The following CLK4 variants were observed in gnomAD, a reference collection of about 807,000 sequenced individuals.
CLK4 encodes the protein dual specificity protein kinase CLK4.
In CLK4, 37 loss-of-function variants were observed where a neutral mutation model predicts 64.4. The observed-to-expected ratio is 0.57, with a 90% CI of 0.44 to 0.76. CLK4 has a LOEUF of 0.76. Among genes scored for constraint, CLK4 ranks in the 30% least tolerant of loss-of-function variants. The pLI is 0.00. For missense variants in CLK4, 457 were observed against 605.1 expected, an observed-to-expected ratio of 0.76 and a Z score of 2.57; for synonymous variants, 175 against 191.6, an observed-to-expected ratio of 0.91 and a Z score of 0.72.
chr5:178,611,235 A>G (rs576982410), intron 9 of CLK4, among the ~76,000 whole-genome samples: 1 of 152,260 alleles, frequency 6.6e-6, no homozygotes, highest in East Asian at 1.9e-4. Context: ...TTGCCTTCTA[A>G]TCTCTGAAAA....
chr5:178,608,031 C>T (rs879590999), intron 10 of CLK4, among the ~76,000 whole-genome samples: 2 of 152,124 alleles, frequency 1.3e-5, no homozygotes, highest in Non-Finnish European at 2.9e-5. Flanking sequence ...ATAAGTGACT[C>T]GTTCATGGCC....
intron 2 of CLK4, 93 bp downstream of exon 2, chr5:178,623,163 A>G: frequency 8.2e-7 from 1 of 1,223,254 alleles, no homozygotes; most frequent in Non-Finnish European, 1.2e-6. Context: ...ACTGAATTAT[A>G]AAACAATTTG....
intron 9 of CLK4, 73 bp downstream of exon 9, chr5:178,612,343 C>T: frequency 7.4e-7 from 1 of 1,348,072 alleles, no homozygotes; most frequent in Non-Finnish European, 1.0e-6. Context: ...ACTTCCCCAC[C>T]CCACCAGTAA....
Position 178,612,783 on chromosome 5 carries a change from G to A in CLK4, c.921+13C>T, listed in dbSNP as rs747606535. On this transcript the variant is annotated intron_variant, in intron 8 of 12. Transcript: ENST00000316308. ...AAGACAACCACCCAAATTAAAACAA[G>A]TCTTTAACTTACCATTTTAGAATTA... The A allele has an allele frequency of 5.7e-6, 8 of 1,393,816 alleles. No individual in the cohort carries two copies. In the South Asian group the frequency reaches 9.8e-5, roughly 17 times the overall value. The allele number at this position is 1,393,816 out of a possible 1,614,324, so 86.3% of individuals were successfully genotyped here.
intron 9 of CLK4, 30 bp from the exon 10 acceptor site, chr5:178,608,488 T>G: frequency 6.4e-7 from 1 of 1,555,038 alleles, no homozygotes; most frequent in South Asian, 1.2e-5. Flanking sequence ...AACATTTTAC[T>G]ATGCAAAAAC....
intron 2 of CLK4, chr5:178,620,537 ACAGGGTAG>A: frequency 3.3e-5 from 6 of 180,076 alleles, no homozygotes; most frequent in Non-Finnish European, 7.5e-5. Context: ...CAGGCTATGG[ACAGGGTAG>A]ACAGGATGAA....
intron 1 of CLK4, among the ~76,000 whole-genome samples, chr5:178,626,488 A>C (rs1248777985): frequency 6.6e-6 from 1 of 152,168 alleles, no homozygotes; most frequent in South Asian, 2.1e-4. Flanking sequence ...CCTTTGGCGC[A>C]CTCAAGACAG....
intron 2 of CLK4, chr5:178,620,680 G>A: frequency 2.5e-6 from 1 of 397,912 alleles, no homozygotes; most frequent in South Asian, 1.8e-5. Flanking sequence ...GGTCCTGTGG[G>A]AGATAAAAAA....
At chr5:178,624,624 T>C (rs547063120) in intron 1 of CLK4, among the ~76,000 whole-genome samples, 1 of 152,308 alleles carries the variant, frequency 6.6e-6, no homozygotes, top group South Asian at 2.1e-4. Context: ...CAGTTAAGTT[T>C]TAACAGTCAG....
intron 1 of CLK4, 107 bp from the exon 2 acceptor site, chr5:178,623,523 T>TA: frequency 1.0e-6 from 1 of 953,700 alleles, no homozygotes; most frequent in Non-Finnish European, 1.4e-6. Context: ...CACAGGGTCT[T>TA]ACAGGCTCCA....
rs560543060 is a variant in CLK4, at chr5:178,623,358, T to C, written c.59A>G (p.His20Arg). 4 of 1,614,140 alleles carry C rather than the reference T, an allele frequency of 2.5e-6. No homozygotes were observed. The highest frequency in any genetic ancestry group is 1.3e-5 in the African/African-American group (1 of 75,048). Residue 20 changes from histidine (H) to arginine (R), a missense_variant, in exon 2 of 13, where the codon CAT becomes CGT. Transcript: ENST00000316308. ...CTTGTGACTTCCACGATAGCTTTCA[T>C]GTCCCCAGCTTTCTCTGCTATCCCA... ...PDWDSRESWGHESYRGSHKRK... is the reference protein window; with the variant it reads ...PDWDSRESWGRESYRGSHKRK...
intron 9 of CLK4, among the ~76,000 whole-genome samples, chr5:178,609,863 T>A (rs1468130214): frequency 7.0e-6 from 1 of 143,112 alleles, no homozygotes; most frequent in Non-Finnish European, 1.5e-5. Context: ...GAGCTGAGAT[T>A]GCACCACTGC....
Position 178,616,776 on chromosome 5 carries a change from A to G in CLK4, c.542+106T>C, listed in dbSNP as rs1581709017. On this transcript the variant is annotated intron_variant, in intron 5 of 12. Transcript: ENST00000316308. ...GCACCACTGCACTCAAGCCTGGGCAACAGAGGCCCTATCTCAAATAAATAA... is the reference window on the plus strand; with the variant it reads ...GCACCACTGCACTCAAGCCTGGGCAGCAGAGGCCCTATCTCAAATAAATAA... 4 of 849,174 alleles carry G rather than the reference A, an allele frequency of 4.7e-6. No homozygotes were observed. In the East Asian group the frequency reaches 1.1e-4, roughly 23 times the overall value. The allele number at this position is 849,174 out of a possible 1,614,324, so 52.6% of individuals were successfully genotyped here.
chr5:178,618,558 A>G lies in CLK4; in HGVS notation c.382T>C (p.Ser128Pro), dbSNP rs1354810893. The G allele has an allele frequency of 6.2e-7, 1 of 1,612,510 alleles. No individual in the cohort carries two copies. Among genetic ancestry groups the G allele is most frequent in the African/African-American group, 1.3e-5 (1 of 74,874 alleles). ...NRHCSSHQSRSKSHRRKRSRS... is the reference protein window; with the variant it reads ...NRHCSSHQSRPKSHRRKRSRS... The stretch of plus-strand genomic sequence containing the variant: ...ATTGAAAACAAAACCAATCATACCG[A>G]ACGTGACTGATGACTTGAACAGTGT... Residue 128 changes from serine to proline, a missense_variant and splice_region_variant, in exon 3 of 13, where the codon TCG becomes CCG. Coordinates refer to ENST00000316308, the MANE Select transcript of CLK4 (RefSeq NM_020666.3).
chr5:178,606,340 G>C (rs1764467075), intron 10 of CLK4, among the ~76,000 whole-genome samples: 1 of 152,136 alleles, frequency 6.6e-6, no homozygotes, highest in African/African-American at 2.4e-5. Flanking sequence ...ATACCTCCCA[G>C]AACTGATTAA....
At chr5:178,615,697 G>T (rs1424575731) in intron 5 of CLK4, among the ~76,000 whole-genome samples, 1 of 152,114 alleles carries the variant, frequency 6.6e-6, no homozygotes, top group African/African-American at 2.4e-5. Context: ...TTTACAACAG[G>T]TTGGAAATTA....
At chr5:178,621,368 T>G (rs1316849704) in intron 2 of CLK4, among the ~76,000 whole-genome samples, 1 of 152,158 alleles carries the variant, frequency 6.6e-6, no homozygotes, top group African/African-American at 2.4e-5. Context: ...ACATCAGTCT[T>G]TCTAATGCAG....
chr5:178,626,469 C>T (rs1305963830), intron 1 of CLK4, among the ~76,000 whole-genome samples: 3 of 152,234 alleles, frequency 2.0e-5, no homozygotes, highest in African/African-American at 7.2e-5. Context: ...CCTGGGCACC[C>T]GGCCAGTGCC....
At chr5:178,606,021 C>T (rs1764462596) in intron 10 of CLK4, among the ~76,000 whole-genome samples, 1 of 152,208 alleles carries the variant, frequency 6.6e-6, no homozygotes, top group Non-Finnish European at 1.5e-5. Flanking sequence ...AGGCTGTATG[C>T]AACACTTTTA....
Sources: allele counts gnomAD v4.1 joint callset (sites outside exome capture counted in the v4.1 genomes callset), GRCh38; gene constraint gnomAD v4.1.1; transcripts MANE v1.5; gene names NCBI Gene and HGNC (gene_info 2026-07-23, HGNC 2026-07-21).